Variants in GLG1 observed in about 807,000 individuals in gnomAD.
GLG1 encodes Golgi apparatus protein 1.
GLG1 carries 38 observed loss-of-function variants against 160.5 expected under a neutral mutation model. That is an observed-to-expected ratio of 0.24 (90% CI 0.18 to 0.31). The LOEUF is 0.31. Ranked by LOEUF, GLG1 falls within the 10% of genes least tolerant of loss-of-function variation. The pLI is 1.00. For missense variants in GLG1, 1,373 were observed against 1,505.2 expected (o/e 0.91, Z 1.45); for synonymous variants, 644 against 543.4 (o/e 1.19, Z -2.57).
intron 1 of GLG1, among the ~76,000 whole-genome samples, chr16:74,540,743 A>G (rs549613689): frequency 1.3e-5 from 2 of 151,846 alleles, no homozygotes; most frequent in East Asian, 3.9e-4. Context: ...AAGGAAACAG[A>G]GTCAGGCACT....
In GLG1 at chr16:74,452,801, A is replaced by T. The variant is rs1373495598; in HGVS notation, c.*366T>A. 2 of 1,004,570 alleles carry T rather than the reference A, an allele frequency of 2.0e-6. No homozygotes were observed. Among genetic ancestry groups the T allele is most frequent in the South Asian group, 9.2e-5 (2 of 21,784 alleles). The allele number at this position is 1,004,570 out of a possible 1,614,324, so 62.2% of individuals were successfully genotyped here. ...CGTTACTATATACATTTTTTTCTTT[A>T]AAAAAATTTTTTTTTTTGGTGGTTT... On this transcript the variant is annotated 3_prime_UTR_variant, in exon 26 of 26. Coordinates refer to ENST00000422840, the MANE Select transcript of GLG1 (RefSeq NM_001145667.2).
chr16:74,564,455 T>C (rs891274040), intron 1 of GLG1, among the ~76,000 whole-genome samples: 1 of 152,252 alleles, frequency 6.6e-6, no homozygotes, highest in African/African-American at 2.4e-5. Flanking sequence ...TGCTGCATTA[T>C]ATTCTCTCAA....
Position 74,452,165 on chromosome 16 carries a change from G to C in GLG1, c.*1002C>G, listed in dbSNP as rs1394470457. 1.9e-6 allele frequency: 3 copies of C among 1,610,620 alleles called. No individual in the cohort carries two copies. The highest frequency in any genetic ancestry group is 2.5e-6 in the Non-Finnish European group (3 of 1,178,164). On this transcript the variant is annotated 3_prime_UTR_variant, in exon 26 of 26. Transcript: ENST00000422840. ...TAAAGCAAAGTGAGTCAAACCTCTG[G>C]CTCCCACTTCCTGACCCACTGCTCC... is the stretch of plus-strand genomic sequence containing the variant.
rs756611706 is a variant in GLG1, at chr16:74,462,148, C to A, written c.2982G>T (p.Glu994Asp). Residue 994 changes from glutamate (E) to aspartate (D), a missense_variant, in exon 22 of 26, where the codon GAG becomes GAT. Around this residue, in one of 4 missense-constraint regions of GLG1, gnomAD observed 491 missense variants for 632.1 expected, o/e 0.78. Coordinates refer to ENST00000422840, the MANE Select transcript of GLG1 (RefSeq NM_001145667.2). ...GATCCAGGCGGTAGTCCAGGGCGGACTCCTGGATAATGATTCGGATCTGGT... is the reference window on the plus strand; with the variant it reads ...GATCCAGGCGGTAGTCCAGGGCGGAATCCTGGATAATGATTCGGATCTGGT... Reference protein sequence around the residue: ...CEDQIRIIIQESALDYRLDPQ... With the variant: ...CEDQIRIIIQDSALDYRLDPQ... The A allele has an allele frequency of 1.4e-5, 23 of 1,609,248 alleles. 1 individual carries two copies. The South Asian group carries it at 2.2e-4, about 15-fold the overall frequency.
At chr16:74,519,569 A>AG (rs2143547478) in intron 2 of GLG1, among the ~76,000 whole-genome samples, 1 of 151,380 alleles carries the variant, frequency 6.6e-6, no homozygotes, top group Admixed American at 6.6e-5. Context: ...GTTTTTGAAA[A>AG]AAAAAAAGAA....
In GLG1 at chr16:74,498,927, C is replaced by A. The variant is rs1011448519; in HGVS notation, c.775-2283G>T. Reference sequence around the variant, plus strand: ...CAAGTAGCGTAACATCTACTTCAGACAAAATTTCAAATCAACCAAAGAATG... The same window carrying A: ...CAAGTAGCGTAACATCTACTTCAGAAAAAATTTCAAATCAACCAAAGAATG... On this transcript the variant is annotated intron_variant, in intron 4 of 25. Transcript: ENST00000422840. 2.2e-4 allele frequency among the ~76,000 whole-genome samples: 30 copies of A among 138,098 alleles called. 1 individual carries two copies. The highest frequency in any genetic ancestry group is 7.0e-4 in the African/African-American group (26 of 37,320). 90.6% of individuals were successfully genotyped at this position (138,098 alleles called of 152,430 possible). A position where few individuals can be genotyped will look rare whatever the true frequency, so the allele number is the denominator to read the frequency against.
chr16:74,552,517 C>G (rs2018230984), intron 1 of GLG1: 1 of 416,632 alleles, frequency 2.4e-6, no homozygotes, highest in Non-Finnish European at 4.8e-6. Context: ...CCCCGTGAGA[C>G]TGTGCCTTCC....
chr16:74,600,253 A>C (rs1012473582), intron 1 of GLG1, among the ~76,000 whole-genome samples: 4 of 151,834 alleles, frequency 2.6e-5, no homozygotes, highest in Admixed American at 6.6e-5. Context: ...AACAAGGCTA[A>C]GTGGTGTTGT....
chr16:74,535,417 G>A (rs918655873), intron 1 of GLG1, among the ~76,000 whole-genome samples: 3 of 152,184 alleles, frequency 2.0e-5, no homozygotes, highest in Non-Finnish European at 4.4e-5. Context: ...CTATAAATGC[G>A]TCTTATTTTT....
chr16:74,496,741 C>A, intron 4 of GLG1, 97 bp from the exon 5 acceptor site: 1 of 770,416 alleles, frequency 1.3e-6, no homozygotes, highest in Non-Finnish European at 2.3e-6. Context: ...CACACACACA[C>A]ACACACAAAG....
chr16:74,481,613 A>T (rs2015600892), intron 10 of GLG1, among the ~76,000 whole-genome samples: 1 of 152,248 alleles, frequency 6.6e-6, no homozygotes, highest in African/African-American at 2.4e-5. Flanking sequence ...TTCCAGAGCT[A>T]ATCTGAAGGA....
At chr16:74,520,787 A>T (rs2017139348) in intron 2 of GLG1, among the ~76,000 whole-genome samples, 1 of 152,154 alleles carries the variant, frequency 6.6e-6, no homozygotes, top group Non-Finnish European at 1.5e-5. Flanking sequence ...TGCTAATGGG[A>T]AGTATATTAC....
intron 1 of GLG1, among the ~76,000 whole-genome samples, chr16:74,536,248 C>G (rs558590279): frequency 6.6e-6 from 1 of 152,260 alleles, no homozygotes; most frequent in Admixed American, 6.5e-5. Flanking sequence ...TAAGTGCAGA[C>G]AGGCTCACTT....
chr16:74,563,730 A>AAAAAAAAAAAGAAAGAAAAAG (rs1446485737), intron 1 of GLG1, among the ~76,000 whole-genome samples: 2 of 151,772 alleles, frequency 1.3e-5, no homozygotes, highest in Non-Finnish European at 2.9e-5. Context: ...CTGTCTCAAA[A>AAAAAAAAAAAGAAAGAAAAAG]AAAAAAAAAA....
chr16:74,454,207 T>A (rs1322475013), intron 25 of GLG1, among the ~76,000 whole-genome samples: 1 of 151,898 alleles, frequency 6.6e-6, no homozygotes, highest in Non-Finnish European at 1.5e-5. Flanking sequence ...ATTTTATATT[T>A]TGGCTTTTTT....
chr16:74,501,123 A>G (rs1222432101), intron 4 of GLG1, among the ~76,000 whole-genome samples: 3 of 152,246 alleles, frequency 2.0e-5, no homozygotes, highest in African/African-American at 7.2e-5. Context: ...AATTTTCAGT[A>G]TAAGTTTTCT....
Position 74,483,016 on chromosome 16 carries a change from T to C in GLG1, c.1673+7A>G, listed in dbSNP as rs2015659725. ...CAATACATTTACTTTGGCTTCAAAATACTCACTTCCAATCCCGGGAGATGA... is the reference window on the plus strand; with the variant it reads ...CAATACATTTACTTTGGCTTCAAAACACTCACTTCCAATCCCGGGAGATGA... On this transcript the variant is annotated splice_region_variant and intron_variant, in intron 10 of 25. Transcript: ENST00000422840. 1 of 1,490,276 alleles carries C rather than the reference T, an allele frequency of 6.7e-7. No homozygotes were observed. Among genetic ancestry groups the C allele is most frequent in the African/African-American group, 1.4e-5 (1 of 72,514 alleles). The allele number at this position is 1,490,276 out of a possible 1,614,324, so 92.3% of individuals were successfully genotyped here. A position where few individuals can be genotyped will look rare whatever the true frequency, so the allele number is the denominator to read the frequency against.
At chr16:74,605,224 C>T (rs1372942267) in intron 1 of GLG1, among the ~76,000 whole-genome samples, 2 of 141,704 alleles carry the variant, frequency 1.4e-5, no homozygotes, top group African/African-American at 2.6e-5. Context: ...ATTTATATGA[C>T]GCCTTTCCTC....
At chr16:74,511,322 T>C (rs1165774579) in intron 2 of GLG1, among the ~76,000 whole-genome samples, 2 of 152,188 alleles carry the variant, frequency 1.3e-5, no homozygotes, top group East Asian at 1.9e-4. Context: ...AACAAAAATA[T>C]GAGTAAAAGC....
Sources: allele counts gnomAD v4.1 joint callset (sites outside exome capture counted in the v4.1 genomes callset), GRCh38; gene constraint gnomAD v4.1.1; regional missense constraint gnomAD v4.1.1; transcripts MANE v1.5; gene names NCBI Gene and HGNC (gene_info 2026-07-23, HGNC 2026-07-21).